CNTN4: variants seen among roughly 807,000 people sequenced by gnomAD.
The protein encoded by CNTN4 is contactin-4.
A neutral mutation model predicts 122.5 loss-of-function variants in CNTN4; 77 were observed. The observed-to-expected ratio is 0.63, with a 90% CI of 0.52 to 0.76. CNTN4 has a LOEUF of 0.76. CNTN4 is among the 30% of genes least tolerant of loss of function. The probability of loss-of-function intolerance (pLI) is 0.00; values close to 1 mark genes in which losing one functional copy is unlikely to be tolerated. For synonymous variants in CNTN4, 512 were observed against 447.0 expected (o/e 1.15, Z -1.83); for missense variants, 1,256 against 1,259.1 (o/e 1.00, Z 0.04).
chr3:2,717,264 C>G (rs2087553442), intron 4 of CNTN4, among the ~76,000 whole-genome samples: 1 of 152,058 alleles, frequency 6.6e-6, no homozygotes, highest in Admixed American at 6.6e-5. Context: ...CTCACTGTTC[C>G]TAAATTGTGC....
chr3:2,362,020 G>A (rs1217413517), intron 3 of CNTN4, among the ~76,000 whole-genome samples: 1 of 152,178 alleles, frequency 6.6e-6, no homozygotes, highest in Non-Finnish European at 1.5e-5. Context: ...GTAGAAAAAA[G>A]GAGGTGTAAG....
At chr3:2,601,598 G>T (rs2081050741) in intron 4 of CNTN4, among the ~76,000 whole-genome samples, 1 of 152,026 alleles carries the variant, frequency 6.6e-6, no homozygotes, top group African/African-American at 2.4e-5. Flanking sequence ...ATGCTGTTTT[G>T]GTTACTGTAG....
At chr3:2,669,514 C>T (rs1328417920) in intron 4 of CNTN4, among the ~76,000 whole-genome samples, 1 of 152,070 alleles carries the variant, frequency 6.6e-6, no homozygotes, top group Non-Finnish European at 1.5e-5. Context: ...AGCAGTCTAT[C>T]AATTTTGTTG....
At chr3:2,923,898 A>G (rs1318925230) in intron 12 of CNTN4, among the ~76,000 whole-genome samples, 1 of 152,134 alleles carries the variant, frequency 6.6e-6, no homozygotes, top group Non-Finnish European at 1.5e-5. Flanking sequence ...TACAATTTTT[A>G]TTGCATGATT....
chr3:2,672,780 A>G (rs957377141), intron 4 of CNTN4, among the ~76,000 whole-genome samples: 4 of 152,228 alleles, frequency 2.6e-5, no homozygotes, highest in Admixed American at 2.6e-4. Context: ...CAAGGCAGAC[A>G]GGACCCTTAA....
intron 13 of CNTN4, among the ~76,000 whole-genome samples, chr3:2,965,048 T>C (rs1375902254): frequency 6.6e-6 from 1 of 152,244 alleles, no homozygotes; most frequent in African/African-American, 2.4e-5. Flanking sequence ...TCCAGTGGTC[T>C]GTGATTCTAT....
At chr3:2,354,132 A>G (rs2150478209) in intron 3 of CNTN4, among the ~76,000 whole-genome samples, 1 of 152,356 alleles carries the variant, frequency 6.6e-6, no homozygotes, top group South Asian at 2.1e-4. Context: ...AAGCTTCCCA[A>G]TATCTCAGTG....
chr3:2,638,214 C>T (rs2082749053), intron 4 of CNTN4, among the ~76,000 whole-genome samples: 1 of 152,184 alleles, frequency 6.6e-6, no homozygotes, highest in Non-Finnish European at 1.5e-5. Flanking sequence ...AGATTCATGA[C>T]CCTGTGCAGA....
chr3:3,004,494 A>G (rs189597657), intron 14 of CNTN4, among the ~76,000 whole-genome samples: 1 of 152,348 alleles, frequency 6.6e-6, no homozygotes, highest in Non-Finnish European at 1.5e-5. Context: ...TGACAGATCC[A>G]TTACAGTCCA....
chr3:2,985,747 G>A (rs73805480), intron 13 of CNTN4, among the ~76,000 whole-genome samples: 4,948 of 152,052 alleles, frequency 0.033, 272 homozygotes, highest in African/African-American at 0.11. Flanking sequence ...ACCTTGATTC[G>A]GGATGACTCA....
At chr3:2,730,614 A>G (rs951584912) in intron 4 of CNTN4, among the ~76,000 whole-genome samples, 1 of 152,130 alleles carries the variant, frequency 6.6e-6, no homozygotes, top group Non-Finnish European at 1.5e-5. Flanking sequence ...CATCAGTGGA[A>G]TTTTCCTAGC....
intron 6 of CNTN4, among the ~76,000 whole-genome samples, chr3:2,819,136 T>C (rs1251451595): frequency 2.0e-5 from 3 of 152,218 alleles, no homozygotes; most frequent in African/African-American, 7.2e-5. Flanking sequence ...ATGATGGAAG[T>C]CTTCTGTGTC....
intron 7 of CNTN4, among the ~76,000 whole-genome samples, chr3:2,838,413 C>T (rs2093278102): frequency 6.6e-6 from 1 of 151,958 alleles, no homozygotes; most frequent in African/African-American, 2.4e-5. Flanking sequence ...CATTCCTATT[C>T]CAATAGAAGC....
At chr3:2,968,629 C>G (rs559562460) in intron 13 of CNTN4, among the ~76,000 whole-genome samples, 2 of 152,372 alleles carry the variant, frequency 1.3e-5, no homozygotes, top group East Asian at 3.9e-4. Flanking sequence ...GAGTCCACCA[C>G]TACTACCACC....
At chr3:2,857,018 G>A (rs1482086497) in intron 7 of CNTN4, among the ~76,000 whole-genome samples, 1 of 152,192 alleles carries the variant, frequency 6.6e-6, no homozygotes, top group Non-Finnish European at 1.5e-5. Context: ...TCTTAGGCCA[G>A]TGACAGATGA....
intron 4 of CNTN4, among the ~76,000 whole-genome samples, chr3:2,596,679 C>T (rs2149704669): frequency 6.6e-6 from 1 of 152,180 alleles, no homozygotes; most frequent in Middle Eastern, 3.4e-3. Context: ...GAAGTGCAAT[C>T]ATTTGCCCCT....
intron 10 of CNTN4, 134 bp from the exon 11 acceptor site, chr3:2,900,551 A>T (rs1460324102): frequency 2.1e-6 from 2 of 963,800 alleles, no homozygotes; most frequent in Non-Finnish European, 3.3e-6. Flanking sequence ...ATGTCTCCCC[A>T]GTCTTGTTAT....
At position 2,820,170 on chromosome 3, in the gene CNTN4, C is replaced by G. The variant is rs954234661; in HGVS notation, c.454+589C>G. ...CTGCCTCCACTTCAGATGCCACTTT[C>G]AAGTCCTTGACCTCACACACTTCTG... On this transcript the variant is annotated intron_variant, in intron 7 of 24. Coordinates refer to ENST00000418658, the MANE Select transcript of CNTN4 (RefSeq NM_175607.3). Among the ~76,000 whole-genome samples the G allele has an allele frequency of 4.6e-5, 7 of 152,298 alleles. No homozygotes were observed. In the South Asian group the frequency reaches 1.0e-3, roughly 23 times the overall value.
chr3:2,326,557 C>T (rs1466466290), intron 2 of CNTN4, among the ~76,000 whole-genome samples: 3 of 151,854 alleles, frequency 2.0e-5, no homozygotes, highest in African/African-American at 7.3e-5. Context: ...CTCTGGAGAA[C>T]TCTGCTACAG....
Sources: gnomAD v4.1 joint callset for allele counts (sites outside exome capture counted in the v4.1 genomes callset) on GRCh38, gnomAD v4.1.1 for gene constraint, MANE v1.5 for transcripts, NCBI Gene and HGNC (gene_info 2026-07-23, HGNC 2026-07-21) for gene names.